The following PAPPA variants were observed in gnomAD, a reference collection of about 807,000 sequenced individuals.
The protein encoded by PAPPA is pappalysin-1.
In PAPPA, 60 loss-of-function variants were observed where a neutral mutation model predicts 164.0. That is an observed-to-expected ratio of 0.37 (90% CI 0.30 to 0.45). The LOEUF (loss-of-function observed/expected upper bound fraction) is 0.45. Ranked by LOEUF, PAPPA falls within the 20% of genes least tolerant of loss-of-function variation. The pLI is 1.00. For synonymous variants in PAPPA, 875 were observed against 814.1 expected, an observed-to-expected ratio of 1.07 and a Z score of -1.27; for missense variants, 1,782 against 2,087.3, an observed-to-expected ratio of 0.85 and a Z score of 2.85.
intron 6 of PAPPA, among the ~76,000 whole-genome samples, chr9:116,228,604 A>C (rs1219543272): frequency 6.6e-6 from 1 of 152,232 alleles, no homozygotes; most frequent in Non-Finnish European, 1.5e-5. Context: ...GCTTAAAATA[A>C]AAATGAGAGT....
At chr9:116,193,168 C>A (rs899900338) in intron 2 of PAPPA, among the ~76,000 whole-genome samples, 2 of 151,544 alleles carry the variant, frequency 1.3e-5, no homozygotes, top group Admixed American at 1.3e-4. Context: ...AAGGACAATC[C>A]CCTGAGGCCA....
chr9:116,199,133 G>C (rs917112828), intron 2 of PAPPA, among the ~76,000 whole-genome samples: 11 of 152,108 alleles, frequency 7.2e-5, no homozygotes, highest in African/African-American at 9.7e-5. Context: ...CTCTGAACCA[G>C]CACCTGGTTT....
At chr9:116,312,918 C>T (rs894400521) in intron 10 of PAPPA, among the ~76,000 whole-genome samples, 4 of 151,850 alleles carry the variant, frequency 2.6e-5, no homozygotes, top group African/African-American at 7.3e-5. Context: ...CTCATCTCTA[C>T]TAAAAACACA....
At chr9:116,167,455 A>T (rs1272336372) in intron 1 of PAPPA, among the ~76,000 whole-genome samples, 2 of 152,236 alleles carry the variant, frequency 1.3e-5, no homozygotes, top group Non-Finnish European at 2.9e-5. Flanking sequence ...GAGGCTACAG[A>T]TAAGGAGGAC....
At chr9:116,163,881 A>G (rs757611396) in intron 1 of PAPPA, among the ~76,000 whole-genome samples, 15 of 152,152 alleles carry the variant, frequency 9.9e-5, no homozygotes, top group Non-Finnish European at 2.2e-4. Context: ...AAGCAATGTA[A>G]CAGTGGTAGA....
intron 17 of PAPPA, among the ~76,000 whole-genome samples, chr9:116,357,341 T>A (rs537025663): frequency 4.6e-5 from 7 of 152,244 alleles, no homozygotes; most frequent in Non-Finnish European, 1.0e-4. Context: ...CTTACGGTAT[T>A]CTCGTCTCTT....
Position 116,154,278 on chromosome 9 carries a change from C to A in PAPPA, c.106C>A (p.Arg36=). The change falls in exon 1 of 22, where the codon CGA becomes AGA. Residue 36 remains arginine, a synonymous_variant. Transcript: ENST00000328252. This position sits in a 1 kb window ranked among gnomAD's most constrained non-coding sequence, Gnocchi z 5.2. ...RRARRDPRAG[R]PPRPAAGPAT... ...GGCCCGGAGAGACCCGCGGGCCGGC[C>A]GACCCCCGCGCCCCGCCGCCGGCCC... The A allele has an allele frequency of 9.7e-7, 1 of 1,026,828 alleles. No individual in the cohort carries two copies. Among genetic ancestry groups the A allele is most frequent in the South Asian group, 4.5e-5 (1 of 22,384 alleles). The allele number at this position is 1,026,828 out of a possible 1,614,324, so 63.6% of individuals were successfully genotyped here. A position where few individuals can be genotyped will look rare whatever the true frequency, so the allele number is the denominator to read the frequency against.
chr9:116,224,573 A>G (rs1045965675), intron 5 of PAPPA, among the ~76,000 whole-genome samples: 1 of 152,214 alleles, frequency 6.6e-6, no homozygotes, highest in African/African-American at 2.4e-5. Flanking sequence ...AAGTTAATTC[A>G]TTATATACAA....
At chr9:116,293,494 A>G (rs1845462132) in intron 9 of PAPPA, among the ~76,000 whole-genome samples, 1 of 152,248 alleles carries the variant, frequency 6.6e-6, no homozygotes, top group Non-Finnish European at 1.5e-5. Context: ...CTTTCAGGCT[A>G]AGGAAGTAAG....
chr9:116,211,326 CA>C (rs1844304202), intron 3 of PAPPA, among the ~76,000 whole-genome samples: 1 of 152,216 alleles, frequency 6.6e-6, no homozygotes, highest in East Asian at 1.9e-4. Flanking sequence ...GCCCAGAAAT[CA>C]GAGTTTCTGA....
chr9:116,244,421 A>G (rs2118765340), intron 7 of PAPPA, among the ~76,000 whole-genome samples: 1 of 152,220 alleles, frequency 6.6e-6, no homozygotes, highest in East Asian at 1.9e-4. Context: ...ACATTTATTC[A>G]CTCGTGCATT....
At chr9:116,289,303 G>A (rs1445400344) in intron 9 of PAPPA, among the ~76,000 whole-genome samples, 2 of 136,398 alleles carry the variant, frequency 1.5e-5, no homozygotes, top group African/African-American at 5.4e-5. Flanking sequence ...CATATATATA[G>A]CATATATATG....
intron 19 of PAPPA, among the ~76,000 whole-genome samples, chr9:116,377,174 A>T (rs943639823): frequency 9.9e-5 from 15 of 151,786 alleles, no homozygotes; most frequent in African/African-American, 3.4e-4. Context: ...ACATGTATGC[A>T]CACATACACA....
chr9:116,346,489 G>A (rs1846211326), intron 14 of PAPPA, among the ~76,000 whole-genome samples: 1 of 152,120 alleles, frequency 6.6e-6, no homozygotes, highest in South Asian at 2.1e-4. Context: ...CTCATAACAT[G>A]GAGGAAAAAC....
rs143153568 is a variant in PAPPA, at chr9:116,385,924, T to C, written c.4776+3431T>C. 2.0e-5 allele frequency among the ~76,000 whole-genome samples: 3 copies of C among 152,310 alleles called. No homozygotes were observed. The East Asian group carries it at 5.8e-4, about 29-fold the overall frequency. ...CAACTATTGCATTTAATTACTTTTG[T>C]GGAAGAGGCAATGATGAGAAAGTGT... is the stretch of plus-strand genomic sequence containing the variant. On this transcript the variant is annotated intron_variant, in intron 21 of 21. Transcript: ENST00000328252.
chr9:116,241,377 T>C (rs1043160027), intron 7 of PAPPA, among the ~76,000 whole-genome samples: 7 of 152,190 alleles, frequency 4.6e-5, no homozygotes, highest in Admixed American at 4.6e-4. Flanking sequence ...GATTTTTAGA[T>C]AGGTGGTCAG....
At chr9:116,211,493 A>G (rs977706757) in intron 3 of PAPPA, 146 bp from the exon 4 acceptor site, 5 of 648,300 alleles carry the variant, frequency 7.7e-6, no homozygotes, top group Non-Finnish European at 1.4e-5. Context: ...CATAGGTTGT[A>G]ACAGCTCTCA....
At position 116,314,060 on chromosome 9, in the gene PAPPA, CTTTTT is replaced by C. The variant is rs57871796; in HGVS notation, c.3147+11136_3147+11140del. 3.8e-3 allele frequency among the ~76,000 whole-genome samples: 268 copies of C among 69,718 alleles called. 18 individuals are homozygous for C. Among genetic ancestry groups the C allele is most frequent in the African/African-American group, 0.012 (246 of 20,164 alleles). The allele number at this position is 69,718 out of a possible 152,430, so 45.7% of individuals were successfully genotyped here. ...ATTCAGTTCTGTCATTGCATCGAAT[CTTTTT>C]TTTTTTTTTTTTTTTTTTTTTTTTT... On this transcript the variant is annotated intron_variant, in intron 10 of 21. Transcript: ENST00000328252.
intron 10 of PAPPA, among the ~76,000 whole-genome samples, chr9:116,310,990 A>C (rs1464066949): frequency 6.6e-6 from 1 of 152,084 alleles, no homozygotes; most frequent in Admixed American, 6.5e-5. Flanking sequence ...TTTTAAAGAA[A>C]CACTTCTGTC....
Sources: gnomAD v4.1 joint callset for allele counts (sites outside exome capture counted in the v4.1 genomes callset) on GRCh38, gnomAD v4.1.1 for gene constraint, Gnocchi (gnomAD v3.1) non-coding constraint, MANE v1.5 for transcripts, NCBI Gene and HGNC (gene_info 2026-07-23, HGNC 2026-07-21) for gene names.